Variants in GFOD1 observed in about 807,000 individuals in gnomAD.
The protein encoded by GFOD1 is glucose-fructose oxidoreductase domain-containing protein 1.
Under a neutral mutation model 25.4 loss-of-function variants are expected in GFOD1, and 9 were observed. The ratio of observed to expected loss-of-function variants is 0.35; its 90% CI spans 0.21 to 0.62. GFOD1 has a LOEUF of 0.62. Ranked by LOEUF, GFOD1 falls within the 20% of genes least tolerant of loss-of-function variation. The pLI, the probability that GFOD1 is intolerant of heterozygous loss-of-function variation, is 0.72. For synonymous variants in GFOD1, 253 were observed against 245.6 expected, an observed-to-expected ratio of 1.03 and a Z score of -0.28; for missense variants, 403 against 556.9, an observed-to-expected ratio of 0.72 and a Z score of 2.78.
At chr6:13,445,574 A>C (rs894356554) in intron 1 of GFOD1, among the ~76,000 whole-genome samples, 2 of 152,226 alleles carry the variant, frequency 1.3e-5, no homozygotes, top group African/African-American at 2.4e-5. Context: ...TATGGTTCTG[A>C]AGTGGGAAGA....
rs1185714791 is a variant in GFOD1, at chr6:13,365,106, G to A, written c.810C>T (p.Asn270=). Residue 270 remains asparagine (N), a synonymous_variant, in exon 2 of 2, where the codon AAC becomes AAT. Transcript: ENST00000379287. The surrounding 1 kb of genome is among the most constrained non-coding windows in gnomAD (Gnocchi z 9.2). ...CCAGCAGCTCCTGCTCCGGGGCGCT[G>A]TTGCGCTGCCCGTACAGGTCGGTGC... ...AVGTDLYGQR[N]SAPEQELLVQ... 52 of 1,612,734 alleles carry A rather than the reference G, an allele frequency of 3.2e-5. No individual in the cohort carries two copies. Among genetic ancestry groups the A allele is most frequent in the Non-Finnish European group, 4.2e-5 (49 of 1,179,802 alleles).
intron 1 of GFOD1, among the ~76,000 whole-genome samples, chr6:13,437,826 G>T (rs1034273932): frequency 9.2e-5 from 14 of 152,172 alleles, no homozygotes; most frequent in African/African-American, 3.1e-4. Flanking sequence ...ACTTGAGTTT[G>T]CAAGAGTAAA....
chr6:13,365,648 C>T lies in GFOD1; in HGVS notation c.268G>A (p.Val90Ile), dbSNP rs1785029713. 53 of 1,594,212 alleles carry T rather than the reference C, an allele frequency of 3.3e-5. No homozygotes were observed. The highest frequency in any genetic ancestry group is 4.1e-5 in the Non-Finnish European group (48 of 1,175,694). Residue 90 changes from valine to isoleucine, a missense_variant, in exon 2 of 2, where the codon GTC becomes ATC. By Grantham distance (29) the Val-to-Ile change is conservative. Coordinates refer to ENST00000379287, the MANE Select transcript of GFOD1 (RefSeq NM_018988.4). This position sits in a 1 kb window ranked among gnomAD's most constrained non-coding sequence, Gnocchi z 9.2. The part of the protein sequence containing the change: ...AVKTLGIGKN[V>I]ICDRTATPLD... ...GGCGTGGCCGTGCGGTCGCAGATGACGTTCTTGCCGATGCCTGCGGGTGGG... is the reference window on the plus strand; with the variant it reads ...GGCGTGGCCGTGCGGTCGCAGATGATGTTCTTGCCGATGCCTGCGGGTGGG...
At position 13,360,415 on chromosome 6, in the gene GFOD1, G is replaced by A. The variant is rs1419441788; in HGVS notation, c.*4328C>T. 5.9e-6 allele frequency: 2 copies of A among 337,204 alleles called. No homozygotes were observed. The highest frequency in any genetic ancestry group is 4.3e-5 in the African/African-American group (2 of 46,246). 20.9% of individuals were successfully genotyped at this position (337,204 alleles called of 1,614,324 possible). On this transcript the variant is annotated 3_prime_UTR_variant, in exon 2 of 2. Transcript: ENST00000379287. ...GAAGAGAGTAGGGGTGCAAAGAAAG[G>A]TGCAGTGCACAGCTAAAATTGGAGT...
intron 1 of GFOD1, among the ~76,000 whole-genome samples, chr6:13,390,774 A>AGG (rs1785579084): frequency 7.7e-6 from 1 of 129,916 alleles, no homozygotes; most frequent in Admixed American, 7.6e-5. Context: ...AGAGAGAGAG[A>AGG]GAGAGAAAGG....
At chr6:13,484,215 G>A (rs1758816015) in intron 1 of GFOD1, among the ~76,000 whole-genome samples, 1 of 152,074 alleles carries the variant, frequency 6.6e-6, no homozygotes, top group Non-Finnish European at 1.5e-5. Context: ...TATGAGTGTG[G>A]ATCGAAGGCT....
intron 1 of GFOD1, among the ~76,000 whole-genome samples, chr6:13,407,594 G>C (rs926023856): frequency 6.6e-6 from 1 of 152,156 alleles, no homozygotes; most frequent in Non-Finnish European, 1.5e-5. Context: ...AAAACACCCT[G>C]TTACAATGGC....
intron 1 of GFOD1, among the ~76,000 whole-genome samples, chr6:13,396,371 C>T (rs534737482): frequency 1.3e-5 from 2 of 152,284 alleles, no homozygotes; most frequent in African/African-American, 4.8e-5. Flanking sequence ...GGGCCATGTG[C>T]TTTCCAGTGC....
At chr6:13,444,208 G>T in intron 1 of GFOD1, among the ~76,000 whole-genome samples, 2 of 152,226 alleles carry the variant, frequency 1.3e-5, no homozygotes, top group Admixed American at 1.3e-4. Context: ...GTATTTTGCG[G>T]GAACATGGAT....
Position 13,486,859 on chromosome 6 carries a change from C to T in GFOD1, c.32G>A (p.Ser11Asn), listed in dbSNP as rs750530822. MLPGVGVFGT[S>N]LTARVIIPLL... The stretch of plus-strand genomic sequence containing the variant: ...CGGGATGATGACACGGGCCGTGAGG[C>T]TGGTGCCGAACACGCCCACCCCGGG... The change falls in exon 1 of 2, where the codon AGC becomes AAC. Residue 11 changes from serine to asparagine, a missense_variant. Ser to Asn is a conservative substitution (Grantham distance 46). Transcript: ENST00000379287. 4 of 1,612,394 alleles carry T rather than the reference C, an allele frequency of 2.5e-6. No individual in the cohort carries two copies. In the Admixed American group the frequency reaches 6.7e-5, roughly 27 times the overall value.
chr6:13,487,056 G>C lies in GFOD1; in HGVS notation c.-166C>G, dbSNP rs1758889425. ...CGCCCGGGTGCCCAGAGCGCACCGA[G>C]CTGCAGGCGGAGCAAGCTCGGGGCG... On this transcript the variant is annotated 5_prime_UTR_variant, in exon 1 of 2. Coordinates refer to ENST00000379287, the MANE Select transcript of GFOD1 (RefSeq NM_018988.4). This position sits in a 1 kb window ranked among gnomAD's most constrained non-coding sequence, Gnocchi z 4.9. 1.3e-6 allele frequency: 1 copy of C among 773,974 alleles called. No individual in the cohort carries two copies. The highest frequency in any genetic ancestry group is 2.9e-5 in the Admixed American group (1 of 33,910). 47.9% of individuals were successfully genotyped at this position (773,974 alleles called of 1,614,324 possible).
chr6:13,381,022 A>G (rs1370563065), intron 1 of GFOD1, among the ~76,000 whole-genome samples: 2 of 152,156 alleles, frequency 1.3e-5, no homozygotes, highest in African/African-American at 4.8e-5. Context: ...TAGGGACCCA[A>G]TGACAACCAC....
intron 1 of GFOD1, among the ~76,000 whole-genome samples, chr6:13,395,904 G>A (rs563424): frequency 0.61 from 92,015 of 152,026 alleles, 30,118 homozygotes; most frequent in Non-Finnish European, 0.73. Flanking sequence ...TTCTAGTCTA[G>A]CTGTGCTTTG....
chr6:13,380,497 G>C (rs943617299), intron 1 of GFOD1, among the ~76,000 whole-genome samples: 3 of 152,124 alleles, frequency 2.0e-5, no homozygotes, highest in Admixed American at 2.0e-4. Flanking sequence ...TATCATGATG[G>C]GGTGCTGGCG....
intron 1 of GFOD1, chr6:13,470,670 C>T: frequency 1.4e-6 from 2 of 1,440,084 alleles, no homozygotes; most frequent in Non-Finnish European, 1.8e-6. Flanking sequence ...AGGAACACAT[C>T]TCATTTTCTA....
intron 1 of GFOD1, among the ~76,000 whole-genome samples, chr6:13,473,457 CCAA>C (rs1758550843): frequency 6.6e-6 from 1 of 152,262 alleles, no homozygotes; most frequent in Non-Finnish European, 1.5e-5. Flanking sequence ...AGGGTCCTTT[CCAA>C]CACTCCAGCA....
rs900409737 is a variant in GFOD1, at chr6:13,364,460, A to G, written c.*283T>C. On this transcript the variant is annotated 3_prime_UTR_variant, in exon 2 of 2. Coordinates refer to ENST00000379287, the MANE Select transcript of GFOD1 (RefSeq NM_018988.4). This position sits in a 1 kb window ranked among gnomAD's most constrained non-coding sequence, Gnocchi z 4.1. ...TGCTTGTCACAGTAAAGGGCAGCAG[A>G]GGCAGCTAAACCAAACCACTCTCGT... 5.2e-5 allele frequency: 23 copies of G among 443,760 alleles called. No individual in the cohort carries two copies. The highest frequency in any genetic ancestry group is 1.2e-3 in the Middle Eastern group (2 of 1,698). 27.5% of individuals were successfully genotyped at this position (443,760 alleles called of 1,614,324 possible).
intron 1 of GFOD1, among the ~76,000 whole-genome samples, chr6:13,452,289 T>C (rs569531043): frequency 6.6e-6 from 1 of 152,316 alleles, no homozygotes; most frequent in Admixed American, 6.5e-5. Context: ...TGCATCGATA[T>C]TAAAAATACT....
At chr6:13,407,463 G>T (rs767780978) in intron 1 of GFOD1, among the ~76,000 whole-genome samples, 6 of 152,068 alleles carry the variant, frequency 3.9e-5, no homozygotes, top group African/African-American at 7.2e-5. Context: ...ATTTTCTTCT[G>T]TATGCTGCCT....
Sources: allele counts gnomAD v4.1 joint callset (sites outside exome capture counted in the v4.1 genomes callset), GRCh38; gene constraint gnomAD v4.1.1; non-coding constraint Gnocchi (gnomAD v3.1); transcripts MANE v1.5; gene names NCBI Gene and HGNC (gene_info 2026-07-23, HGNC 2026-07-21).